DTHD1: variants seen among roughly 807,000 people sequenced by gnomAD.
DTHD1 encodes the protein death domain containing 1.
DTHD1 carries 59 observed loss-of-function variants against 74.8 expected under a neutral mutation model. The observed-to-expected ratio is 0.79, with a 90% CI of 0.64 to 0.98. DTHD1 has a LOEUF of 0.98. Ranked by LOEUF, DTHD1 falls within the 50% of genes least tolerant of loss-of-function variation. DTHD1 has a pLI of 0.00. For synonymous variants in DTHD1, 365 were observed against 371.1 expected, an observed-to-expected ratio of 0.98 and a Z score of 0.19; for missense variants, 1,051 against 1,065.4, an observed-to-expected ratio of 0.99 and a Z score of 0.19.
chr4:36,332,171 G>A (rs1364622550), intron 8 of DTHD1, among the ~76,000 whole-genome samples: 1 of 147,050 alleles, frequency 6.8e-6, no homozygotes, highest in Non-Finnish European at 1.5e-5. Flanking sequence ...GGCTACAAAC[G>A]CAAGACACTG....
In DTHD1 at chr4:36,339,099, T is replaced by C; in HGVS notation, c.2341-13T>C. 2 of 1,542,944 alleles carry C rather than the reference T, an allele frequency of 1.3e-6. No homozygotes were observed. The highest frequency in any genetic ancestry group is 1.8e-6 in the Non-Finnish European group (2 of 1,140,888). ...ACTTCTTCTGTTTATTTTGTGTTCCTTTCCCCCAATAGCATAAGAAATTAA... is the reference window on the plus strand; with the variant it reads ...ACTTCTTCTGTTTATTTTGTGTTCCCTTCCCCCAATAGCATAAGAAATTAA... On this transcript the variant is annotated splice_polypyrimidine_tract_variant and intron_variant, in intron 8 of 9. Coordinates refer to ENST00000639862, the MANE Select transcript of DTHD1 (RefSeq NM_001170700.3).
chr4:36,323,305 GA>G (rs750738557), intron 8 of DTHD1, among the ~76,000 whole-genome samples: 2 of 152,170 alleles, frequency 1.3e-5, no homozygotes, highest in Non-Finnish European at 2.9e-5. Context: ...GGCAGTGCAA[GA>G]ATCAGTTCGT....
chr4:36,299,214 C>G (rs1385096253), intron 5 of DTHD1, among the ~76,000 whole-genome samples: 1 of 152,134 alleles, frequency 6.6e-6, no homozygotes, highest in African/African-American at 2.4e-5. Context: ...TGGCAGCACT[C>G]TATAGGTTAA....
chr4:36,290,506 GAGTT>G lies in DTHD1; in HGVS notation c.1028_1031del (p.Val343AlafsTer4), dbSNP rs1440209090. On this transcript the variant is annotated frameshift_variant, in exon 3 of 10. Transcript: ENST00000639862. LOFTEE classifies it high-confidence loss of function. Reference sequence around the variant, plus strand: ...TTCTTTAATAGTGGGTGATAATGAAGAGTTAGTTAGCAACGTCATAACTATTGAA... The same window carrying G: ...TTCTTTAATAGTGGGTGATAATGAAGAGTTAGCAACGTCATAACTATTGAA... 4.5e-6 allele frequency: 7 copies of G among 1,551,546 alleles called. No individual in the cohort carries two copies. Among genetic ancestry groups the G allele is most frequent in the African/African-American group, 1.4e-5 (1 of 73,038 alleles).
In DTHD1 at chr4:36,306,296, T is replaced by C; in HGVS notation, c.1749T>C (p.Val583=). Residue 583 remains valine (V), a synonymous_variant, in exon 6 of 10, where the codon GTT becomes GTC. Transcript: ENST00000639862. ...QDSGWCGLDD[V]VKTIQSGLVS... Reference sequence around the variant, plus strand: ...GTGGTTGGTGTGGGCTTGATGATGTTGTGAAAACCATACAGAGCGGCTTGG... The same window carrying C: ...GTGGTTGGTGTGGGCTTGATGATGTCGTGAAAACCATACAGAGCGGCTTGG... 1.3e-6 allele frequency: 2 copies of C among 1,551,566 alleles called. No individual in the cohort carries two copies. Among genetic ancestry groups the C allele is most frequent in the Non-Finnish European group, 8.7e-7 (1 of 1,146,868 alleles).
intron 3 of DTHD1, 42 bp downstream of exon 3, chr4:36,290,745 C>T (rs949084513): frequency 4.7e-5 from 67 of 1,425,052 alleles, no homozygotes; most frequent in Non-Finnish European, 6.0e-5. Context: ...CTGTTTGGCT[C>T]CTCTTATAAA....
intron 8 of DTHD1, among the ~76,000 whole-genome samples, chr4:36,336,914 C>G (rs193145669): frequency 0.01 from 1,569 of 152,188 alleles, 9 homozygotes; most frequent in Middle Eastern, 0.02. Context: ...AAATAAGAAC[C>G]AGAGAAGGGC....
Position 36,284,101 on chromosome 4 carries a change from C to G in DTHD1, c.397C>G (p.Gln133Glu). Residue 133 changes from glutamine to glutamate, a missense_variant, in exon 2 of 10, where the codon CAG becomes GAG. Physicochemically the swap from Gln to Glu is conservative, Grantham distance 29. Coordinates refer to ENST00000639862, the MANE Select transcript of DTHD1 (RefSeq NM_001170700.3). ...CGGCATGCATGATGAATGTACTCCACAGCAGACAATGTCCTCCATTCAAGA... is the reference window on the plus strand; with the variant it reads ...CGGCATGCATGATGAATGTACTCCAGAGCAGACAATGTCCTCCATTCAAGA... ...LCGMHDECTP[Q>E]QTMSSIQDTK... is the part of the protein sequence containing the mutation. 1 of 1,537,200 alleles carries G rather than the reference C, an allele frequency of 6.5e-7. No individual in the cohort carries two copies. The highest frequency in any genetic ancestry group is 8.7e-7 in the Non-Finnish European group (1 of 1,146,890).
intron 7 of DTHD1, chr4:36,311,420 A>G (rs568513606): frequency 6.6e-6 from 1 of 152,294 alleles, no homozygotes; most frequent in East Asian, 1.9e-4. Context: ...TCTCAAAGAG[A>G]TAAAGCTAGA....
chr4:36,311,634 G>A (rs1757416020), intron 7 of DTHD1: 2 of 151,896 alleles, frequency 1.3e-5, no homozygotes, highest in South Asian at 4.2e-4. Flanking sequence ...TGTGGCCTTT[G>A]TCACATGCAA....
chr4:36,336,680 A>C (rs1759026941), intron 8 of DTHD1, among the ~76,000 whole-genome samples: 1 of 149,564 alleles, frequency 6.7e-6, no homozygotes, highest in Admixed American at 6.7e-5. Flanking sequence ...GGTTTGTTTC[A>C]AGATTGGCCC....
rs1757039815 is a variant in DTHD1, at chr4:36,306,217, C to T, written c.1670C>T (p.Pro557Leu). 1 of 1,551,556 alleles carries T rather than the reference C, an allele frequency of 6.4e-7. No homozygotes were observed. The highest frequency in any genetic ancestry group is 1.4e-5 in the African/African-American group (1 of 72,998). Reference protein sequence around the residue: ...NRTKIASIRKPRKNASECLKL... With the variant: ...NRTKIASIRKLRKNASECLKL... ...ACAAAAATTGCCTCCATAAGAAAAC[C>T]TAGGAAAAATGCCAGTGAATGTTTG... The change falls in exon 6 of 10, where the codon CCT (proline) becomes CTT (leucine). Residue 557 changes from proline (P) to leucine (L), a missense_variant. Physicochemically the swap from Pro to Leu is moderately conservative, Grantham distance 98. Coordinates refer to ENST00000639862, the MANE Select transcript of DTHD1 (RefSeq NM_001170700.3).
chr4:36,339,216 T>G (rs1054614368), intron 9 of DTHD1, 47 bp downstream of exon 9: 3 of 1,316,234 alleles, frequency 2.3e-6, no homozygotes, highest in Non-Finnish European at 3.2e-6. Context: ...CCCCACCCCC[T>G]TATATGTTGT....
chr4:36,287,527 G>A (rs1755780755), intron 2 of DTHD1, among the ~76,000 whole-genome samples: 2 of 152,146 alleles, frequency 1.3e-5, no homozygotes, highest in Admixed American at 1.3e-4. Flanking sequence ...GGATTGAATG[G>A]TACTTCTACT....
In DTHD1 at chr4:36,340,742, G is replaced by T. The variant is rs183253464; in HGVS notation, c.2398+1573G>T. Among the ~76,000 whole-genome samples, 62 of 152,268 alleles carry T rather than the reference G, an allele frequency of 4.1e-4. 1 individual carries two copies. Among genetic ancestry groups the T allele is most frequent in the Non-Finnish European group, 1.3e-4 (9 of 68,016 alleles). ...AATAATGCCAAAAGATAAAGATTGG[G>T]TAGATCTAGGATATTTCCCATAGTT... On this transcript the variant is annotated intron_variant, in intron 9 of 9. Transcript: ENST00000639862.
chr4:36,296,133 TC>T (rs1756384168), intron 5 of DTHD1, among the ~76,000 whole-genome samples: 3 of 152,192 alleles, frequency 2.0e-5, no homozygotes. Flanking sequence ...CAATCTGGTA[TC>T]AGTTTTATTC....
chr4:36,306,070 T>C, intron 5 of DTHD1, 121 bp from the exon 6 acceptor site: 1 of 992,904 alleles, frequency 1.0e-6, no homozygotes, highest in Non-Finnish European at 1.5e-6. Context: ...GCATAATTCC[T>C]GGCACATAGT....
In DTHD1 at chr4:36,281,829, T is replaced by A; in HGVS notation, c.71T>A (p.Met24Lys). ...ILKQIWRQNQ[M>K]LKQALLGDDL... ...AAGCAGATTTGGAGACAAAACCAGA[T>A]GCTAAAGCAGGCACTCTTGGGTGAT... The change falls in exon 1 of 10, where the codon ATG becomes AAG. Residue 24 changes from methionine to lysine, a missense_variant. By Grantham distance (95) the Met-to-Lys change is moderately conservative. Coordinates refer to ENST00000639862, the MANE Select transcript of DTHD1 (RefSeq NM_001170700.3). 1 of 1,244,202 alleles carries A rather than the reference T, an allele frequency of 8.0e-7. No individual in the cohort carries two copies. The highest frequency in any genetic ancestry group is 2.1e-4 in the Middle Eastern group (1 of 4,866). The allele number at this position is 1,244,202 out of a possible 1,614,324, so 77.1% of individuals were successfully genotyped here. A position where few individuals can be genotyped will look rare whatever the true frequency, so the allele number is the denominator to read the frequency against.
In DTHD1 at chr4:36,308,215, T is replaced by C. The variant is rs781583416; in HGVS notation, c.1817T>C (p.Leu606Pro). 107 of 1,552,146 alleles carry C rather than the reference T, an allele frequency of 6.9e-5. No individual in the cohort carries two copies. The highest frequency in any genetic ancestry group is 8.6e-5 in the Non-Finnish European group (99 of 1,147,096). Residue 606 changes from leucine (L) to proline (P), a missense_variant, in exon 7 of 10, where the codon CTT becomes CCT. Physicochemically the swap from Leu to Pro is moderately conservative, Grantham distance 98. Transcript: ENST00000639862. ...TTTCTTCCATGCAGGTTTATTGTAC[T>C]TCACCTCTCTTCCACCATGGACAAT... is the stretch of plus-strand genomic sequence containing the variant. ...LYEHLERFIVLHLSSTMDNSH... is the reference protein window; with the variant it reads ...LYEHLERFIVPHLSSTMDNSH...
Sources: allele counts gnomAD v4.1 joint callset (sites outside exome capture counted in the v4.1 genomes callset), GRCh38; gene constraint gnomAD v4.1.1; transcripts MANE v1.5; gene names NCBI Gene and HGNC (gene_info 2026-07-23, HGNC 2026-07-21).